PCDHGA3: variants seen among roughly 807,000 people sequenced by gnomAD.
PCDHGA3 encodes protocadherin gamma-A3.
Under a neutral mutation model 58.5 loss-of-function variants are expected in PCDHGA3, and 40 were observed. The observed-to-expected ratio is 0.68, with a 90% CI of 0.53 to 0.89. The LOEUF is 0.89. PCDHGA3 is among the 40% of genes least tolerant of loss of function. The probability of loss-of-function intolerance (pLI) is 0.00; values close to 1 mark genes in which losing one functional copy is unlikely to be tolerated. For synonymous variants in PCDHGA3, 530 were observed against 525.7 expected (o/e 1.01, Z -0.11); for missense variants, 1,223 against 1,195.9 (o/e 1.02, Z -0.33).
chr5:141,389,223 G>T, intron 1 of PCDHGA3: 3 of 1,613,994 alleles, frequency 1.9e-6, no homozygotes, highest in East Asian at 2.2e-5. Flanking sequence ...AAATGACAAC[G>T]CTCCGGTTTT....
At position 141,486,883 on chromosome 5, in the gene PCDHGA3, C is replaced by G. The variant is rs1234866888; in HGVS notation, c.2425-7924C>G. The G allele has an allele frequency of 1.2e-6, 2 of 1,614,214 alleles. No individual in the cohort carries two copies. ...CTCCAGCTGTGCTCCGTCCTCGGGC[C>G]CGGCCTGGTTCCTTATGTCCCCAAG... On this transcript the variant is annotated intron_variant, in intron 1 of 3. Coordinates refer to ENST00000253812, the MANE Select transcript of PCDHGA3 (RefSeq NM_018916.4). The surrounding 1 kb of genome is among the most constrained non-coding windows in gnomAD (Gnocchi z 5.0).
At position 141,432,349 on chromosome 5, in the gene PCDHGA3, G is replaced by T; in HGVS notation, c.2425-62458G>T. On this transcript the variant is annotated intron_variant, in intron 1 of 3. Transcript: ENST00000253812. This position sits in a 1 kb window ranked among gnomAD's most constrained non-coding sequence, Gnocchi z 6.0. Reference sequence around the variant, plus strand: ...ACGAGCAGTTCCGAGACTTGCAAGTGAAAGTGATGGCGCGGGACAACGGGC... The same window carrying T: ...ACGAGCAGTTCCGAGACTTGCAAGTTAAAGTGATGGCGCGGGACAACGGGC... 4 of 1,614,240 alleles carry T rather than the reference G, an allele frequency of 2.5e-6. No homozygotes were observed. Among genetic ancestry groups the T allele is most frequent in the Non-Finnish European group, 1.7e-6 (2 of 1,180,046 alleles).
intron 1 of PCDHGA3, chr5:141,415,715 T>A: frequency 7.0e-7 from 1 of 1,428,190 alleles, no homozygotes; most frequent in Non-Finnish European, 9.3e-7. Flanking sequence ...AAAACACTGA[T>A]GAGTAGAATT....
At chr5:141,417,585 G>T in intron 1 of PCDHGA3, 1 of 462,794 alleles carries the variant, frequency 2.2e-6, no homozygotes, top group South Asian at 4.9e-5. Context: ...GTCCCACACA[G>T]AGCCTCTGGG....
At chr5:141,453,919 C>T (rs142719452) in intron 1 of PCDHGA3, among the ~76,000 whole-genome samples, 2 of 152,318 alleles carry the variant, frequency 1.3e-5, no homozygotes, top group African/African-American at 4.8e-5. Flanking sequence ...TGTCAGTGAT[C>T]AGTCACTGTG....
intron 1 of PCDHGA3, among the ~76,000 whole-genome samples, chr5:141,454,836 C>T (rs1201514890): frequency 1.3e-4 from 11 of 85,100 alleles, no homozygotes; most frequent in African/African-American, 2.1e-4. Context: ...GAGACAGAGT[C>T]GCGCTCTGTC....
chr5:141,409,014 AG>A, intron 1 of PCDHGA3: 1 of 1,614,014 alleles, frequency 6.2e-7, no homozygotes, highest in Non-Finnish European at 8.5e-7. Context: ...GACCAGGATG[AG>A]GGGGTCAATG....
intron 1 of PCDHGA3, among the ~76,000 whole-genome samples, chr5:141,484,045 G>A (rs934525987): frequency 7.9e-5 from 12 of 152,026 alleles, no homozygotes; most frequent in African/African-American, 2.9e-4. Context: ...AGCTCCAAGA[G>A]GTCCCCTGGG....
chr5:141,374,221 C>A, intron 1 of PCDHGA3: 1 of 1,613,996 alleles, frequency 6.2e-7, no homozygotes, highest in Non-Finnish European at 8.5e-7. Flanking sequence ...CCTTCGTAGG[C>A]AACATCGTCA....
intron 1 of PCDHGA3, chr5:141,413,078 C>A: frequency 7.7e-7 from 1 of 1,301,148 alleles, no homozygotes; most frequent in Non-Finnish European, 1.1e-6. Flanking sequence ...AGTGCCCAGG[C>A]TACAGAGACA....
chr5:141,344,437 C>A lies in PCDHGA3; in HGVS notation c.404C>A (p.Thr135Lys). The change falls in exon 1 of 4, where the codon ACA becomes AAA. Residue 135 changes from threonine (T) to lysine (K), a missense_variant. By Grantham distance (78) the Thr-to-Lys change is moderately conservative. This residue lies in a region of PCDHGA3 where 791 missense variants were observed against 708.5 expected (regional missense o/e 1.12). Coordinates refer to ENST00000253812, the MANE Select transcript of PCDHGA3 (RefSeq NM_018916.4). ...AATGATAATGCTCCTAATTTCCCAA[C>A]AGAGGAATTGGAAATAAAAATTGGT... ...DINDNAPNFP[T>K]EELEIKIGEL... 1 of 1,613,468 alleles carries A rather than the reference C, an allele frequency of 6.2e-7. No homozygotes were observed. The highest frequency in any genetic ancestry group is 8.5e-7 in the Non-Finnish European group (1 of 1,179,630).
Position 141,487,691 on chromosome 5 carries a change from A to T in PCDHGA3, c.2425-7116A>T. On this transcript the variant is annotated intron_variant, in intron 1 of 3. Transcript: ENST00000253812. The surrounding 1 kb of genome is among the most constrained non-coding windows in gnomAD (Gnocchi z 5.0). ...CATATGGCTAGGCCATGTCCTAGAG[A>T]GTACTGGCCTCTCAGTAAGTGCCCA... 6.2e-7 allele frequency: 1 copy of T among 1,604,122 alleles called. No individual in the cohort carries two copies. The highest frequency in any genetic ancestry group is 8.5e-7 in the Non-Finnish European group (1 of 1,174,384).
chr5:141,395,403 A>C (rs1383871945), intron 1 of PCDHGA3: 7 of 849,376 alleles, frequency 8.2e-6, no homozygotes, highest in Non-Finnish European at 1.2e-5. Context: ...TCTAATAGTC[A>C]TAGGTTATTG....
chr5:141,510,852 G>A (rs2099883073), intron 3 of PCDHGA3, 95 bp from the exon 4 acceptor site: 2 of 1,601,096 alleles, frequency 1.2e-6, no homozygotes, highest in Non-Finnish European at 1.7e-6. Flanking sequence ...GGCCCAGGGT[G>A]CTGTATAGGC....
At chr5:141,384,568 G>A (rs1780218340) in intron 1 of PCDHGA3, 1 of 1,614,118 alleles carries the variant, frequency 6.2e-7, no homozygotes, top group Non-Finnish European at 8.5e-7. Context: ...GGACCAGAAT[G>A]ACAACCCGCC....
rs1184232947 is a variant in PCDHGA3 at position 141,487,060 on chromosome 5, G to T, written c.2425-7747G>T. ...TCTCTCGATATGCTGGGGAGGTGCG[G>T]ACGGCTGTTCCTATCCCAGCTGACC... On this transcript the variant is annotated intron_variant, in intron 1 of 3. Transcript: ENST00000253812. This position sits in a 1 kb window ranked among gnomAD's most constrained non-coding sequence, Gnocchi z 5.0. The T allele has an allele frequency of 1.9e-6, 3 of 1,614,182 alleles. No individual in the cohort carries two copies. In the East Asian group the frequency reaches 6.7e-5, roughly 36 times the overall value.
rs146615755 is a variant in PCDHGA3 at position 141,486,022 on chromosome 5, T to C, written c.2425-8785T>C. The C allele has an allele frequency of 1.2e-6, 2 of 1,614,030 alleles. No homozygotes were observed. Among genetic ancestry groups the C allele is most frequent in the Non-Finnish European group, 1.7e-6 (2 of 1,180,036 alleles). Reference sequence around the variant, plus strand: ...GTAACGTCACCTTTTATTTCAGTGGTCATACCCCTGATCGTGTAAGAAACC... The same window carrying C: ...GTAACGTCACCTTTTATTTCAGTGGCCATACCCCTGATCGTGTAAGAAACC... On this transcript the variant is annotated intron_variant, in intron 1 of 3. Coordinates refer to ENST00000253812, the MANE Select transcript of PCDHGA3 (RefSeq NM_018916.4). The surrounding 1 kb of genome is among the most constrained non-coding windows in gnomAD (Gnocchi z 5.0).
intron 1 of PCDHGA3, chr5:141,364,821 T>C (rs1185593883): frequency 6.2e-7 from 1 of 1,613,886 alleles, no homozygotes; most frequent in Non-Finnish European, 8.5e-7. Flanking sequence ...GATGTGGGTG[T>C]GAACTCTCTC....
At chr5:141,393,094 A>T in intron 1 of PCDHGA3, 4 of 1,613,606 alleles carry the variant, frequency 2.5e-6, no homozygotes, top group Non-Finnish European at 3.4e-6. Flanking sequence ...GATCGGGAGG[A>T]GCTCTGCGCT....
Sources: allele counts gnomAD v4.1 joint callset (sites outside exome capture counted in the v4.1 genomes callset), GRCh38; gene constraint gnomAD v4.1.1; regional missense constraint gnomAD v4.1.1; non-coding constraint Gnocchi (gnomAD v3.1); transcripts MANE v1.5; gene names NCBI Gene and HGNC (gene_info 2026-07-23, HGNC 2026-07-21).